Variants in FCHSD2 observed in about 807,000 individuals in gnomAD.
FCHSD2 encodes FCH and double SH3 domains 2.
FCHSD2 carries 38 observed loss-of-function variants against 108.1 expected under a neutral mutation model. The observed-to-expected ratio is 0.35, with a 90% CI of 0.27 to 0.46. FCHSD2 has a LOEUF of 0.46. FCHSD2 is among the 20% of genes least tolerant of loss of function. The probability of loss-of-function intolerance (pLI) is 1.00; values close to 1 mark genes in which losing one functional copy is unlikely to be tolerated. For synonymous variants in FCHSD2, 279 were observed against 314.7 expected, an observed-to-expected ratio of 0.89 and a Z score of 1.20; for missense variants, 751 against 897.8, an observed-to-expected ratio of 0.84 and a Z score of 2.09.
At chr11:73,085,095 ATTTGT>A (rs961268541) in intron 2 of FCHSD2, among the ~76,000 whole-genome samples, 8 of 152,232 alleles carry the variant, frequency 5.3e-5, no homozygotes, top group Non-Finnish European at 7.3e-5. Context: ...ATCTTACTAT[ATTTGT>A]TTTGAGTAAA....
At chr11:73,080,723 G>A (rs1416778244) in intron 3 of FCHSD2, among the ~76,000 whole-genome samples, 1 of 151,942 alleles carries the variant, frequency 6.6e-6, no homozygotes, top group Non-Finnish European at 1.5e-5. Context: ...GTGGGCGGAT[G>A]ATCTGAGGTC....
chr11:72,977,068 G>T (rs537502928), intron 8 of FCHSD2, among the ~76,000 whole-genome samples: 1 of 151,932 alleles, frequency 6.6e-6, no homozygotes, highest in South Asian at 2.1e-4. Flanking sequence ...GGGACTACAG[G>T]TGCCCACCAC....
At chr11:72,960,679 T>C (rs1180175693) in intron 8 of FCHSD2, among the ~76,000 whole-genome samples, 1 of 152,214 alleles carries the variant, frequency 6.6e-6, no homozygotes, top group Non-Finnish European at 1.5e-5. Flanking sequence ...AGTAAAATAG[T>C]ATCCATTCTG....
At chr11:72,870,372 T>TA (rs1256253168) in intron 12 of FCHSD2, among the ~76,000 whole-genome samples, 1 of 152,240 alleles carries the variant, frequency 6.6e-6, no homozygotes, top group Admixed American at 6.5e-5. Context: ...ATTCTCCTGT[T>TA]ATGTGTTCAG....
At chr11:73,109,503 CT>C (rs1344881892) in intron 2 of FCHSD2, among the ~76,000 whole-genome samples, 2 of 152,036 alleles carry the variant, frequency 1.3e-5, no homozygotes, top group African/African-American at 4.8e-5. Context: ...TTCTCAATTT[CT>C]TTTTCAGATT....
chr11:72,899,781 C>A (rs1855490945), intron 10 of FCHSD2, among the ~76,000 whole-genome samples: 1 of 142,246 alleles, frequency 7.0e-6, no homozygotes, highest in Non-Finnish European at 1.5e-5. Context: ...GATTGAAGGT[C>A]TGGAATGATT....
At chr11:72,967,593 G>A (rs1856934449) in intron 8 of FCHSD2, among the ~76,000 whole-genome samples, 1 of 152,144 alleles carries the variant, frequency 6.6e-6, no homozygotes, top group African/African-American at 2.4e-5. Flanking sequence ...CAGATTAGTG[G>A]TTGCCAGGAA....
intron 3 of FCHSD2, among the ~76,000 whole-genome samples, chr11:73,068,813 T>TAAAAAAAAAAA (rs1237723120): frequency 7.2e-5 from 6 of 82,976 alleles, no homozygotes; most frequent in Admixed American, 3.0e-4. Flanking sequence ...CTACAAAAAG[T>TAAAAAAAAAAA]AAAAAAAAAA....
intron 12 of FCHSD2, among the ~76,000 whole-genome samples, chr11:72,886,197 AG>A (rs1338281856): frequency 1.3e-5 from 2 of 152,182 alleles, no homozygotes; most frequent in East Asian, 3.8e-4. Flanking sequence ...ACATACTTAT[AG>A]GGCTGCACTA....
intron 16 of FCHSD2, 24 bp from the exon 17 acceptor site, chr11:72,842,865 T>A: frequency 3.8e-6 from 6 of 1,587,836 alleles, no homozygotes; most frequent in African/African-American, 1.3e-5. Flanking sequence ...GAAAAACAAA[T>A]CTGGTAAGAT....
intron 3 of FCHSD2, among the ~76,000 whole-genome samples, chr11:73,083,322 G>A (rs770007630): frequency 2.4e-4 from 37 of 152,196 alleles, no homozygotes; most frequent in African/African-American, 6.5e-4. Context: ...AGGCCAAGGC[G>A]GACGGATCAT....
At chr11:72,982,092 T>C (rs530862263) in intron 8 of FCHSD2, among the ~76,000 whole-genome samples, 1 of 152,382 alleles carries the variant, frequency 6.6e-6, no homozygotes, top group Admixed American at 6.5e-5. Context: ...CTATATTTTC[T>C]AACCTGTATT....
At chr11:72,859,574 T>C (rs1331810215) in intron 13 of FCHSD2, among the ~76,000 whole-genome samples, 1 of 152,212 alleles carries the variant, frequency 6.6e-6, no homozygotes, top group African/African-American at 2.4e-5. Context: ...AAACACAGTA[T>C]ACATAAGGTT....
At chr11:72,980,675 GTATA>G (rs35298009) in intron 8 of FCHSD2, among the ~76,000 whole-genome samples, 37,766 of 143,926 alleles carry the variant, frequency 0.26, 5,219 homozygotes, top group Middle Eastern at 0.39. Context: ...GTGTGTGTGT[GTATA>G]TATATATATA....
intron 12 of FCHSD2, among the ~76,000 whole-genome samples, chr11:72,884,178 TCTGC>T (rs1237343269): frequency 1.3e-5 from 2 of 152,106 alleles, no homozygotes; most frequent in African/African-American, 2.4e-5. Flanking sequence ...ACGAACTATT[TCTGC>T]CTAAAACACT....
chr11:73,017,686 T>C (rs1422104330), intron 3 of FCHSD2, among the ~76,000 whole-genome samples: 1 of 152,182 alleles, frequency 6.6e-6, no homozygotes, highest in East Asian at 1.9e-4. Flanking sequence ...TCCCTAAATA[T>C]GTACGGTAGT....
At chr11:73,097,849 T>C (rs1860127830) in intron 2 of FCHSD2, among the ~76,000 whole-genome samples, 1 of 152,150 alleles carries the variant, frequency 6.6e-6, no homozygotes, top group Non-Finnish European at 1.5e-5. Context: ...ACTCTGTCTA[T>C]CTATTTTAGA....
chr11:72,840,791 C>T, intron 19 of FCHSD2, 86 bp downstream of exon 19: 1 of 994,050 alleles, frequency 1.0e-6, no homozygotes, highest in Non-Finnish European at 1.6e-6. Context: ...TCAGTAACAA[C>T]ACAGGGGCCA....
In FCHSD2 at chr11:73,080,717, G is replaced by A. The variant is rs147056310; in HGVS notation, c.165+2978C>T. The stretch of plus-strand genomic sequence containing the variant: ...TCAGCACTTTCGGAGGCTGAGGTGG[G>A]CGGATGATCTGAGGTCAGCAGTTCA... On this transcript the variant is annotated intron_variant, in intron 3 of 19. Coordinates refer to ENST00000409418, the MANE Select transcript of FCHSD2 (RefSeq NM_014824.3). Among the ~76,000 whole-genome samples, 111 of 152,244 alleles carry A rather than the reference G, an allele frequency of 7.3e-4. 1 individual carries two copies. The highest frequency in any genetic ancestry group is 1.9e-4 in the Non-Finnish European group (13 of 68,018).
Sources: gnomAD v4.1 joint callset for allele counts (sites outside exome capture counted in the v4.1 genomes callset) on GRCh38, gnomAD v4.1.1 for gene constraint, MANE v1.5 for transcripts, NCBI Gene and HGNC (gene_info 2026-07-23, HGNC 2026-07-21) for gene names.